DSCAM: variants seen among roughly 807,000 people sequenced by gnomAD.
DSCAM encodes the protein DS cell adhesion molecule.
In DSCAM, 47 loss-of-function variants were observed where a neutral mutation model predicts 217.7. The ratio of observed to expected loss-of-function variants is 0.22; its 90% confidence interval spans 0.17 to 0.28. The LOEUF (loss-of-function observed/expected upper bound fraction) is 0.28, where lower values mean the gene tolerates loss of function less well. DSCAM is among the 10% of genes least tolerant of loss of function. DSCAM has a pLI of 1.00. For missense variants in DSCAM, 2,080 were observed against 2,618.3 expected (o/e 0.79, Z 4.49); for synonymous variants, 1,056 against 1,015.3 (o/e 1.04, Z -0.76).
chr21:40,455,195 A>G (rs1210049719), intron 3 of DSCAM, among the ~76,000 whole-genome samples: 1 of 152,204 alleles, frequency 6.6e-6, no homozygotes, highest in East Asian at 1.9e-4. Flanking sequence ...AGCACTGGAA[A>G]AACAAGTGGA....
rs78134467 is a variant in DSCAM, at chr21:40,642,156, G to A, written c.508+50654C>T. Among the ~76,000 whole-genome samples, 831 of 152,152 alleles carry A rather than the reference G, an allele frequency of 5.5e-3. 9 individuals carry two copies. The highest frequency in any genetic ancestry group is 0.019 in the African/African-American group (783 of 41,506). On this transcript the variant is annotated intron_variant, in intron 3 of 32. Coordinates refer to ENST00000400454, the MANE Select transcript of DSCAM (RefSeq NM_001389.5). ...TGTCCAGGGTGATACATCTTGTACT[G>A]GCACAGCTGGGCCCTGGCTGTTGGA...
chr21:40,154,279 G>C (rs922163198), intron 16 of DSCAM, among the ~76,000 whole-genome samples: 1 of 144,160 alleles, frequency 6.9e-6, no homozygotes, highest in Non-Finnish European at 1.5e-5. Context: ...TTTTCACAGG[G>C]TCTCACTCTG....
chr21:40,210,811 C>T (rs2146878972), intron 11 of DSCAM, among the ~76,000 whole-genome samples: 1 of 152,350 alleles, frequency 6.6e-6, no homozygotes, highest in Middle Eastern at 3.4e-3. Context: ...TCTCAAAGTG[C>T]TGGGTTTACA....
intron 3 of DSCAM, among the ~76,000 whole-genome samples, chr21:40,498,007 G>T (rs1220242383): frequency 2.0e-5 from 3 of 152,142 alleles, no homozygotes; most frequent in African/African-American, 7.2e-5. Flanking sequence ...CACATGGTAG[G>T]TTGCATAGTA....
chr21:40,456,643 A>C (rs1381693865), intron 3 of DSCAM, among the ~76,000 whole-genome samples: 1 of 151,978 alleles, frequency 6.6e-6, no homozygotes, highest in Non-Finnish European at 1.5e-5. Flanking sequence ...ATTATTGTGA[A>C]GTGCAATACA....
intron 15 of DSCAM, among the ~76,000 whole-genome samples, chr21:40,172,117 A>C (rs1036409999): frequency 2.0e-5 from 3 of 152,188 alleles, no homozygotes; most frequent in African/African-American, 7.2e-5. Flanking sequence ...AAAAATACAC[A>C]AATTTGCTGG....
At chr21:40,237,477 T>C (rs2073094956) in intron 11 of DSCAM, among the ~76,000 whole-genome samples, 1 of 152,188 alleles carries the variant, frequency 6.6e-6, no homozygotes, top group African/African-American at 2.4e-5. Context: ...TGGTTTTCTG[T>C]TCTTGTGTTA....
intron 1 of DSCAM, among the ~76,000 whole-genome samples, chr21:40,712,233 T>C (rs2090787721): frequency 6.6e-6 from 1 of 151,768 alleles, no homozygotes; most frequent in Admixed American, 6.6e-5. Context: ...TGACAGTGTG[T>C]AGTTTGTTTT....
intron 3 of DSCAM, among the ~76,000 whole-genome samples, chr21:40,539,911 A>G (rs893027694): frequency 6.6e-6 from 1 of 152,120 alleles, no homozygotes; most frequent in African/African-American, 2.4e-5. Flanking sequence ...ACTCACAAAT[A>G]TTTTCACGTT....
At chr21:40,228,640 T>A (rs1028769341) in intron 11 of DSCAM, among the ~76,000 whole-genome samples, 21 of 141,890 alleles carry the variant, frequency 1.5e-4, no homozygotes, top group African/African-American at 5.7e-4. Context: ...CTCCACCTCT[T>A]TTCTTTTTTT....
chr21:40,048,714 G>A (rs114365131), intron 30 of DSCAM, among the ~76,000 whole-genome samples: 4,452 of 152,248 alleles, frequency 0.029, 94 homozygotes, highest in South Asian at 0.054. Flanking sequence ...AGAAAATAGA[G>A]AATACAAATG....
chr21:40,058,876 CT>C (rs1330913479), intron 28 of DSCAM, among the ~76,000 whole-genome samples: 1 of 152,148 alleles, frequency 6.6e-6, no homozygotes, highest in South Asian at 2.1e-4. Context: ...AAAATTGCAT[CT>C]TTTTTGCATG....
intron 9 of DSCAM, among the ~76,000 whole-genome samples, chr21:40,296,802 G>A (rs910630521): frequency 7.7e-6 from 1 of 130,362 alleles, no homozygotes; most frequent in Non-Finnish European, 1.5e-5. Flanking sequence ...TTGCACTCCA[G>A]CCTGGGCAAC....
At chr21:40,323,941 T>C (rs569351966) in intron 8 of DSCAM, among the ~76,000 whole-genome samples, 1 of 151,130 alleles carries the variant, frequency 6.6e-6, no homozygotes, top group African/African-American at 2.4e-5. Context: ...CCATCTCTGC[T>C]AAAAATACAA....
At chr21:40,478,073 T>C (rs1420677098) in intron 3 of DSCAM, among the ~76,000 whole-genome samples, 1 of 152,320 alleles carries the variant, frequency 6.6e-6, no homozygotes, top group African/African-American at 2.4e-5. Flanking sequence ...GTTTTGCCTG[T>C]TTTGGAAGTT....
intron 4 of DSCAM, among the ~76,000 whole-genome samples, chr21:40,357,127 T>C (rs538214457): frequency 1.6e-4 from 24 of 152,262 alleles, no homozygotes; most frequent in African/African-American, 5.3e-4. Flanking sequence ...TTCATATGCA[T>C]GACTATAGGG....
intron 1 of DSCAM, among the ~76,000 whole-genome samples, chr21:40,770,274 C>T (rs575108944): frequency 1.2e-4 from 18 of 152,210 alleles, no homozygotes; most frequent in African/African-American, 3.9e-4. Flanking sequence ...TCATTTTTAT[C>T]AAAATATAAA....
At chr21:40,094,828 A>G in intron 20 of DSCAM, among the ~76,000 whole-genome samples, 1 of 152,364 alleles carries the variant, frequency 6.6e-6, no homozygotes, top group Admixed American at 6.5e-5. Context: ...GGTCAAGAAT[A>G]TTTATAGAAT....
intron 11 of DSCAM, among the ~76,000 whole-genome samples, chr21:40,261,652 T>TACACACACAC (rs71186922): frequency 1.3e-3 from 169 of 133,514 alleles, no homozygotes; most frequent in African/African-American, 5.5e-3. Context: ...TCTCTCTCTC[T>TACACACACAC]ACACACACAC....
Sources: allele counts gnomAD v4.1 joint callset (sites outside exome capture counted in the v4.1 genomes callset), GRCh38; gene constraint gnomAD v4.1.1; transcripts MANE v1.5; gene names NCBI Gene and HGNC (gene_info 2026-07-23, HGNC 2026-07-21).